Variants in CD109 observed in about 807,000 individuals in gnomAD.
CD109 encodes the protein CD109 antigen.
CD109 carries 149 observed loss-of-function variants against 165.8 expected under a neutral mutation model. The ratio of observed to expected loss-of-function variants is 0.90; its 90% CI spans 0.79 to 1.03. The LOEUF (loss-of-function observed/expected upper bound fraction) is 1.03. Among genes scored for constraint, CD109 ranks in the 50% least tolerant of loss-of-function variants. The pLI is 0.00. For synonymous variants in CD109, 585 were observed against 592.1 expected, an observed-to-expected ratio of 0.99 and a Z score of 0.18; for missense variants, 1,712 against 1,677.8, an observed-to-expected ratio of 1.02 and a Z score of -0.36.
chr6:73,739,559 A>G (rs1772681442), intron 5 of CD109, among the ~76,000 whole-genome samples: 1 of 152,178 alleles, frequency 6.6e-6, no homozygotes, highest in Non-Finnish European at 1.5e-5. Context: ...TATTTTCAAG[A>G]AAGTATTGGC....
At chr6:73,728,768 G>C (rs1477153423) in intron 3 of CD109, among the ~76,000 whole-genome samples, 2 of 152,210 alleles carry the variant, frequency 1.3e-5, no homozygotes, top group African/African-American at 4.8e-5. Context: ...TTGCAAAAAT[G>C]AGTCAGGATA....
At position 73,808,104 on chromosome 6, in the gene CD109, T is replaced by C. The variant is rs768515799; in HGVS notation, c.3211T>C (p.Ser1071Pro). ...CAAGCCTAACATTGATGTGCAAGAGTCTATCCATTTTTTGGAGTCTGAATT... is the reference window on the plus strand; with the variant it reads ...CAAGCCTAACATTGATGTGCAAGAGCCTATCCATTTTTTGGAGTCTGAATT... ...KYQPNIDVQESIHFLESEFSR... is the reference protein window; with the variant it reads ...KYQPNIDVQEPIHFLESEFSR... The change falls in exon 26 of 33, where the codon TCT (serine) becomes CCT (proline). Residue 1071 changes from serine (S) to proline (P), a missense_variant. By Grantham distance (74) the Ser-to-Pro change is moderately conservative. Transcript: ENST00000287097. The C allele has an allele frequency of 4.3e-6, 7 of 1,612,890 alleles. No individual in the cohort carries two copies. The highest frequency in any genetic ancestry group is 5.9e-6 in the Non-Finnish European group (7 of 1,179,472).
chr6:73,764,829 A>AG (rs1773773294), intron 10 of CD109, among the ~76,000 whole-genome samples: 1 of 151,854 alleles, frequency 6.6e-6, no homozygotes, highest in Non-Finnish European at 1.5e-5. Context: ...AAAAAAAAAA[A>AG]AAAACAACTA....
chr6:73,815,066 T>A lies in CD109; in HGVS notation c.3854T>A (p.Val1285Asp), dbSNP rs760096532. Residue 1285 changes from valine (V) to aspartate (D), a missense_variant, in exon 30 of 33, where the codon GTT (valine) becomes GAT (aspartate). Coordinates refer to ENST00000287097, the MANE Select transcript of CD109 (RefSeq NM_133493.5). ...AATCAAGAAGCCTTTGATTTAGATG[T>A]TGCTGTAAAAGAAAATAAAGATGAT... ...IQNQEAFDLDVAVKENKDDLN... is the reference protein window; with the variant it reads ...IQNQEAFDLDDAVKENKDDLN... 12 of 1,590,860 alleles carry A rather than the reference T, an allele frequency of 7.5e-6. No individual in the cohort carries two copies. The East Asian group carries it at 2.8e-4, about 37-fold the overall frequency.
At position 73,763,683 on chromosome 6, in the gene CD109, A is replaced by G; in HGVS notation, c.1105A>G (p.Thr369Ala). The G allele has an allele frequency of 6.7e-7, 1 of 1,499,170 alleles. No individual in the cohort carries two copies. The highest frequency in any genetic ancestry group is 9.2e-7 in the Non-Finnish European group (1 of 1,086,880). 92.9% of individuals were successfully genotyped at this position (1,499,170 alleles called of 1,614,324 possible). A position where few individuals can be genotyped will look rare whatever the true frequency, so the allele number is the denominator to read the frequency against. ...GAAGCCATCTCTCAACTTCACAGCCACTGTAAGTTGGTATATTTATTTCCA... is the reference window on the plus strand; with the variant it reads ...GAAGCCATCTCTCAACTTCACAGCCGCTGTAAGTTGGTATATTTATTTCCA... ...VLKPSLNFTA[T>A]VKVTRADGNQ... The change falls in exon 10 of 33, where the codon ACT (threonine) becomes GCT (alanine). Residue 369 changes from threonine (T) to alanine (A), a missense_variant and splice_region_variant. Thr to Ala is a moderately conservative substitution (Grantham distance 58). Coordinates refer to ENST00000287097, the MANE Select transcript of CD109 (RefSeq NM_133493.5).
At chr6:73,708,653 A>G (rs926143133) in intron 2 of CD109, among the ~76,000 whole-genome samples, 7 of 152,298 alleles carry the variant, frequency 4.6e-5, no homozygotes, top group African/African-American at 1.7e-4. Flanking sequence ...CATCCTCTCC[A>G]GTACCTGTTG....
At chr6:73,818,361 T>G (rs765405460) in intron 30 of CD109, 27 bp from the exon 31 acceptor site, 2 of 1,613,110 alleles carry the variant, frequency 1.2e-6, no homozygotes, top group African/African-American at 2.7e-5. Flanking sequence ...CTGAGGAGTT[T>G]TCATTCATCC....
intron 2 of CD109, among the ~76,000 whole-genome samples, chr6:73,707,776 A>C (rs891934027): frequency 6.6e-6 from 1 of 152,078 alleles, no homozygotes; most frequent in Admixed American, 6.6e-5. Context: ...TATGATTTTA[A>C]AATAATGATT....
chr6:73,812,499 G>A (rs1775789505), intron 29 of CD109, among the ~76,000 whole-genome samples: 1 of 152,002 alleles, frequency 6.6e-6, no homozygotes, highest in Non-Finnish European at 1.5e-5. Flanking sequence ...GTATTTCTTG[G>A]AGATTATTTG....
At chr6:73,680,546 CA>C in the CD109 span, among the ~76,000 whole-genome samples, 2 of 152,154 alleles carry the variant, frequency 1.3e-5, no homozygotes, top group African/African-American at 4.8e-5. Flanking sequence ...AGTGAAAGGG[CA>C]GTGGCTGAAG....
At chr6:73,749,987 T>A (rs1296179472) in intron 5 of CD109, among the ~76,000 whole-genome samples, 6 of 152,216 alleles carry the variant, frequency 3.9e-5, no homozygotes, top group African/African-American at 7.2e-5. Context: ...GTATTATTGT[T>A]TAACAAATAT....
intron 8 of CD109, 43 bp downstream of exon 8, chr6:73,762,523 T>G (rs1449653478): frequency 4.0e-6 from 5 of 1,263,738 alleles, no homozygotes; most frequent in Non-Finnish European, 5.7e-6. Flanking sequence ...GGGTAAAATA[T>G]GTGTATTTTT....
At chr6:73,753,257 A>G (rs1420150808) in intron 5 of CD109, among the ~76,000 whole-genome samples, 1 of 152,168 alleles carries the variant, frequency 6.6e-6, no homozygotes, top group Non-Finnish European at 1.5e-5. Context: ...TTACAGGAAA[A>G]GTTTGCAGAT....
At chr6:73,789,759 C>CT (rs59475224) in intron 22 of CD109, among the ~76,000 whole-genome samples, 153 of 131,700 alleles carry the variant, frequency 1.2e-3, no homozygotes, top group South Asian at 1.5e-3. Context: ...CGCGCCCGGC[C>CT]TTTTTTTTTT....
upstream of CD109, among the ~76,000 whole-genome samples, chr6:73,691,189 T>TTTTTCTAAAGGCAAAA (rs1433045416): frequency 2.0e-5 from 3 of 152,168 alleles, no homozygotes; most frequent in African/African-American, 7.2e-5. Flanking sequence ...CAAAAGTGCA[T>TTTTTCTAAAGGCAAAA]GGCTAGGGAG....
intron 2 of CD109, among the ~76,000 whole-genome samples, chr6:73,704,171 C>G (rs2150148730): frequency 6.9e-6 from 1 of 145,732 alleles, no homozygotes; most frequent in South Asian, 2.2e-4. Context: ...CAGAGCAAGA[C>G]TCCATCTCAA....
chr6:73,779,659 T>C (rs529899484), intron 15 of CD109, among the ~76,000 whole-genome samples: 1 of 152,320 alleles, frequency 6.6e-6, no homozygotes, highest in African/African-American at 2.4e-5. Flanking sequence ...CCTTTTTGGC[T>C]ACTGTAACTA....
intron 5 of CD109, among the ~76,000 whole-genome samples, chr6:73,743,874 C>G (rs1347325522): frequency 6.6e-6 from 1 of 152,170 alleles, no homozygotes; most frequent in Non-Finnish European, 1.5e-5. Flanking sequence ...CTCTTACTTC[C>G]TTGTTCAGTG....
At chr6:73,791,032 G>C (rs183462005) in intron 22 of CD109, among the ~76,000 whole-genome samples, 24 of 150,594 alleles carry the variant, frequency 1.6e-4, no homozygotes, top group African/African-American at 5.4e-4. Flanking sequence ...CTTTTTTACA[G>C]TTCTTTTATA....
Sources: gnomAD v4.1 joint callset for allele counts (sites outside exome capture counted in the v4.1 genomes callset) on GRCh38, gnomAD v4.1.1 for gene constraint, MANE v1.5 for transcripts, NCBI Gene and HGNC (gene_info 2026-07-23, HGNC 2026-07-21) for gene names.